MAN1A2: variants seen among roughly 807,000 people sequenced by gnomAD.
MAN1A2 encodes mannosyl-oligosaccharide 1,2-alpha-mannosidase IB.
MAN1A2 carries 26 observed loss-of-function variants against 75.7 expected under a neutral mutation model. The observed-to-expected ratio is 0.34, with a 90% CI of 0.25 to 0.48. The LOEUF is 0.48. Ranked by LOEUF, MAN1A2 falls within the 20% of genes least tolerant of loss-of-function variation. The probability of loss-of-function intolerance (pLI) is 0.99; values close to 1 mark genes in which losing one functional copy is unlikely to be tolerated. For synonymous variants in MAN1A2, 247 were observed against 264.6 expected (o/e 0.93, Z 0.65); for missense variants, 562 against 775.5 (o/e 0.72, Z 3.27).
At chr1:117,474,697 A>T (rs1274403631) in intron 8 of MAN1A2, among the ~76,000 whole-genome samples, 2 of 152,000 alleles carry the variant, frequency 1.3e-5, no homozygotes, top group Non-Finnish European at 2.9e-5. Context: ...CTTTATTAAG[A>T]TACAATTTAC....
At chr1:117,481,839 C>T (rs1277666934) in intron 8 of MAN1A2, among the ~76,000 whole-genome samples, 1 of 151,962 alleles carries the variant, frequency 6.6e-6, no homozygotes, top group African/African-American at 2.4e-5. Flanking sequence ...AAATGCAAGG[C>T]CAGTCCAGTT....
chr1:117,466,234 G>T, intron 7 of MAN1A2, 100 bp from the exon 8 acceptor site: 2 of 729,656 alleles, frequency 2.7e-6, no homozygotes, highest in South Asian at 1.9e-5. Context: ...CAGGGAATAG[G>T]TGTAGATTCT....
intron 1 of MAN1A2, among the ~76,000 whole-genome samples, chr1:117,392,418 TG>T (rs1653753005): frequency 1.3e-5 from 2 of 152,184 alleles, no homozygotes; most frequent in Admixed American, 6.5e-5. Context: ...GTCATATACT[TG>T]TATGGTTAAC....
intron 7 of MAN1A2, among the ~76,000 whole-genome samples, chr1:117,464,603 A>G (rs777750076): frequency 5.9e-5 from 9 of 152,152 alleles, no homozygotes; most frequent in Non-Finnish European, 1.3e-4. Flanking sequence ...ATGAGCAGCA[A>G]TGAGAACAGG....
chr1:117,442,026 T>C (rs1391095807), intron 5 of MAN1A2, among the ~76,000 whole-genome samples: 1 of 152,164 alleles, frequency 6.6e-6, no homozygotes, highest in Non-Finnish European at 1.5e-5. Context: ...TTTTAGGCCT[T>C]TTGCATGGTT....
At chr1:117,481,029 A>T (rs1650480928) in intron 8 of MAN1A2, among the ~76,000 whole-genome samples, 1 of 151,680 alleles carries the variant, frequency 6.6e-6, no homozygotes, top group Non-Finnish European at 1.5e-5. Flanking sequence ...TTACCTATCA[A>T]CTCATTTATT....
chr1:117,442,070 C>T (rs1257582330), intron 5 of MAN1A2, among the ~76,000 whole-genome samples, 161 bp from the exon 6 acceptor site: 1 of 152,074 alleles, frequency 6.6e-6, no homozygotes, highest in Non-Finnish European at 1.5e-5. Flanking sequence ...CAAACATGCT[C>T]TCTGATTGCC....
chr1:117,404,557 C>G (rs1249883511), intron 2 of MAN1A2, among the ~76,000 whole-genome samples: 1 of 152,088 alleles, frequency 6.6e-6, no homozygotes, highest in East Asian at 1.9e-4. Context: ...GGCAGAGAGC[C>G]ATTATCAGCT....
intron 6 of MAN1A2, among the ~76,000 whole-genome samples, chr1:117,458,524 T>TGTAA (rs373076182): frequency 4.2e-5 from 3 of 71,706 alleles, no homozygotes; most frequent in Non-Finnish European, 2.8e-5. Flanking sequence ...TATATATATA[T>TGTAA]TTTTTTTTTT....
intron 6 of MAN1A2, among the ~76,000 whole-genome samples, chr1:117,450,971 C>G (rs1296312732): frequency 6.6e-6 from 1 of 152,182 alleles, no homozygotes; most frequent in African/African-American, 2.4e-5. Flanking sequence ...TGGGGCACCA[C>G]CTAGTGGAGC....
At chr1:117,505,563 A>G (rs781427372) in intron 12 of MAN1A2, among the ~76,000 whole-genome samples, 1 of 151,324 alleles carries the variant, frequency 6.6e-6, no homozygotes, top group Non-Finnish European at 1.5e-5. Context: ...GAAAAAGGTC[A>G]AACAAAAAGA....
In MAN1A2 at chr1:117,478,192, A is replaced by G. The variant is rs147181173; in HGVS notation, c.1168+11765A>G. Reference sequence around the variant, plus strand: ...TCCCAAATGACTAACGATGTTGAACATCTTTTTTATATACTCTTTGCTATC... The same window carrying G: ...TCCCAAATGACTAACGATGTTGAACGTCTTTTTTATATACTCTTTGCTATC... On this transcript the variant is annotated intron_variant, in intron 8 of 12. Coordinates refer to ENST00000356554, the MANE Select transcript of MAN1A2 (RefSeq NM_006699.5). 6.0e-3 allele frequency among the ~76,000 whole-genome samples: 908 copies of G among 152,068 alleles called. 11 individuals are homozygous for G. The highest frequency in any genetic ancestry group is 0.021 in the African/African-American group (860 of 41,546).
At chr1:117,485,781 G>A (rs1198644044) in intron 8 of MAN1A2, among the ~76,000 whole-genome samples, 1 of 151,870 alleles carries the variant, frequency 6.6e-6, no homozygotes, top group Non-Finnish European at 1.5e-5. Context: ...CTTTCAATAT[G>A]GATGTTAGTT....
At chr1:117,494,456 CA>C (rs1650978937) in intron 9 of MAN1A2, 1 of 151,944 alleles carries the variant, frequency 6.6e-6, no homozygotes, top group African/African-American at 2.4e-5. Flanking sequence ...AATTAGTTGT[CA>C]GAGTTATAAT....
intron 1 of MAN1A2, among the ~76,000 whole-genome samples, chr1:117,390,773 C>T (rs1557930853): frequency 1.3e-5 from 2 of 150,638 alleles, no homozygotes; most frequent in Non-Finnish European, 3.0e-5. Flanking sequence ...TTTAACTTTT[C>T]TTTTTTTTTC....
chr1:117,514,862 A>G (rs1557980832), intron 12 of MAN1A2: 1 of 533,044 alleles, frequency 1.9e-6, no homozygotes, highest in Non-Finnish European at 3.9e-6. Flanking sequence ...GCCTCCTACC[A>G]TGAGAGAACT....
At chr1:117,388,860 A>G (rs1044628524) in intron 1 of MAN1A2, among the ~76,000 whole-genome samples, 3 of 152,226 alleles carry the variant, frequency 2.0e-5, no homozygotes. Flanking sequence ...AAACCTTTTT[A>G]AAAATAATAT....
intron 5 of MAN1A2, among the ~76,000 whole-genome samples, chr1:117,431,277 CAT>C (rs1320834208): frequency 6.9e-6 from 1 of 145,278 alleles, no homozygotes; most frequent in Non-Finnish European, 1.5e-5. Context: ...ATTAGAAAGA[CAT>C]AATCACAACA....
chr1:117,417,534 A>AATATATATATATAT (rs551507232), intron 4 of MAN1A2, among the ~76,000 whole-genome samples: 11,514 of 88,430 alleles, frequency 0.13, 1,142 homozygotes, highest in East Asian at 0.17. Context: ...CTTGAGTTTA[A>AATATATATATATAT]ATATATATAT....
Sources: allele counts gnomAD v4.1 joint callset (sites outside exome capture counted in the v4.1 genomes callset), GRCh38; gene constraint gnomAD v4.1.1; transcripts MANE v1.5; gene names NCBI Gene and HGNC (gene_info 2026-07-23, HGNC 2026-07-21).